EPHX1: variants seen among roughly 807,000 people sequenced by gnomAD.
EPHX1 encodes the protein epoxide hydrolase 1.
Under a neutral mutation model 43.2 loss-of-function variants are expected in EPHX1, and 40 were observed. The ratio of observed to expected loss-of-function variants is 0.93; its 90% CI spans 0.72 to 1.21. The LOEUF (loss-of-function observed/expected upper bound fraction) is 1.21. EPHX1 is among the 50% of genes most tolerant of loss of function. The pLI, the probability that EPHX1 is intolerant of heterozygous loss-of-function variation, is 0.00. For synonymous variants in EPHX1, 221 were observed against 226.7 expected, an observed-to-expected ratio of 0.98 and a Z score of 0.22; for missense variants, 550 against 570.4, an observed-to-expected ratio of 0.96 and a Z score of 0.36.
At chr1:225,816,534 G>A (rs1334881029) in intron 1 of EPHX1, among the ~76,000 whole-genome samples, 1 of 152,226 alleles carries the variant, frequency 6.6e-6, no homozygotes, top group Admixed American at 6.5e-5. Context: ...CAGGCCAAGA[G>A]CTCATGAGCC....
intron 1 of EPHX1, 166 bp downstream of exon 1, chr1:225,810,335 C>T (rs1390510103): frequency 6.6e-6 from 1 of 152,056 alleles, no homozygotes; most frequent in Non-Finnish European, 1.5e-5. Flanking sequence ...CCGCCCCCAG[C>T]TCCTGCCCCG....
chr1:225,826,875 G>A (rs1310895315), intron 1 of EPHX1, among the ~76,000 whole-genome samples: 1 of 152,056 alleles, frequency 6.6e-6, no homozygotes, highest in Non-Finnish European at 1.5e-5. Flanking sequence ...GGAAAGAATT[G>A]GAGATGACTC....
intron 3 of EPHX1, among the ~76,000 whole-genome samples, chr1:225,832,597 T>A (rs993427620): frequency 6.6e-6 from 1 of 152,240 alleles, no homozygotes; most frequent in African/African-American, 2.4e-5. Flanking sequence ...ATACGGTAAT[T>A]CTGCGTTTAA....
intron 6 of EPHX1, among the ~76,000 whole-genome samples, chr1:225,840,588 C>T (rs11805420): frequency 6.6e-6 from 1 of 152,204 alleles, no homozygotes; most frequent in Non-Finnish European, 1.5e-5. Flanking sequence ...CTAACAGACA[C>T]AAAACTTGTC....
intron 1 of EPHX1, among the ~76,000 whole-genome samples, chr1:225,819,747 A>G (rs1055875238): frequency 1.3e-5 from 2 of 152,126 alleles, no homozygotes; most frequent in African/African-American, 2.4e-5. Context: ...CACTGGAGAA[A>G]ATTTTGACAC....
At position 225,828,656 on chromosome 1, in the gene EPHX1, C is replaced by A. The variant is rs1667396561; in HGVS notation, c.-5-69C>A. On this transcript the variant is annotated intron_variant, in intron 1 of 8. Coordinates refer to ENST00000272167, the MANE Select transcript of EPHX1 (RefSeq NM_001136018.4). ...CAGCAGGAAAGAGCCTGCTGGGGATCAGAGTCTCTGGGCTGTCAGGGCCGG... is the reference window on the plus strand; with the variant it reads ...CAGCAGGAAAGAGCCTGCTGGGGATAAGAGTCTCTGGGCTGTCAGGGCCGG... The A allele has an allele frequency of 1.9e-6, 3 of 1,542,570 alleles. No individual in the cohort carries two copies. The Admixed American group carries it at 5.1e-5, about 26-fold the overall frequency.
At chr1:225,829,570 C>G (rs1349230972) in intron 2 of EPHX1, among the ~76,000 whole-genome samples, 1 of 152,116 alleles carries the variant, frequency 6.6e-6, no homozygotes, top group Non-Finnish European at 1.5e-5. Context: ...AGAATGCATT[C>G]TCGGGGAGGA....
At chr1:225,810,477 A>C (rs565928608) in intron 1 of EPHX1, 1 of 152,108 alleles carries the variant, frequency 6.6e-6, no homozygotes, top group African/African-American at 2.4e-5. Context: ...CCGAGAGCGC[A>C]CCGCGTCCCC....
chr1:225,829,247 G>A (rs1172949942), intron 2 of EPHX1, among the ~76,000 whole-genome samples: 1 of 152,148 alleles, frequency 6.6e-6, no homozygotes, highest in East Asian at 1.9e-4. Flanking sequence ...TGAGGTTGTG[G>A]GAGAAAGTGA....
chr1:225,828,659 A>G, intron 1 of EPHX1, 66 bp from the exon 2 acceptor site: 1 of 1,557,394 alleles, frequency 6.4e-7, no homozygotes, highest in East Asian at 2.3e-5. Context: ...TGGGGATCAG[A>G]GTCTCTGGGC....
At chr1:225,828,700 T>C (rs1353820940) in intron 1 of EPHX1, 25 bp from the exon 2 acceptor site, 1 of 1,611,796 alleles carries the variant, frequency 6.2e-7, no homozygotes, top group Admixed American at 1.7e-5. Flanking sequence ...GGCTCCGTTG[T>C]TAATGGCTTC....
intron 3 of EPHX1, among the ~76,000 whole-genome samples, chr1:225,833,830 G>T (rs527595239): frequency 1.2e-4 from 18 of 150,078 alleles, no homozygotes; most frequent in African/African-American, 3.9e-4. Flanking sequence ...GGGCGCCGTG[G>T]CTCACGCCTG....
chr1:225,838,521 TGTC>T, intron 3 of EPHX1, 130 bp from the exon 4 acceptor site: 1 of 733,638 alleles, frequency 1.4e-6, no homozygotes, highest in Non-Finnish European at 2.3e-6. Context: ...CCCTTATTAC[TGTC>T]AATACCATGA....
At chr1:225,843,272 G>C (rs916017135) in intron 7 of EPHX1, among the ~76,000 whole-genome samples, 4 of 152,182 alleles carry the variant, frequency 2.6e-5, no homozygotes, top group East Asian at 1.9e-4. Flanking sequence ...TTTGGGCCTT[G>C]GAGGATAAGT....
At position 225,813,145 on chromosome 1, in the gene EPHX1, CAGTA is replaced by C. The variant is rs761573816; in HGVS notation, c.-6+2980_-6+2983del. On this transcript the variant is annotated intron_variant, in intron 1 of 8. Coordinates refer to ENST00000272167, the MANE Select transcript of EPHX1 (RefSeq NM_001136018.4). ...AGGAAAGGAATGTGTAGGAGGGAAACAGTAAGTTTTGAAGGGACTCAGTGGGCCC... is the reference window on the plus strand; with the variant it reads ...AGGAAAGGAATGTGTAGGAGGGAAACAGTTTTGAAGGGACTCAGTGGGCCC... Among the ~76,000 whole-genome samples, 72 of 152,294 alleles carry C rather than the reference CAGTA, an allele frequency of 4.7e-4. 2 individuals carry two copies. Among genetic ancestry groups the C allele is most frequent in the Non-Finnish European group, 3.8e-4 (26 of 68,014 alleles).
At chr1:225,828,446 CA>C (rs1667378721) in intron 1 of EPHX1, among the ~76,000 whole-genome samples, 1 of 151,458 alleles carries the variant, frequency 6.6e-6, no homozygotes, top group South Asian at 2.1e-4. Flanking sequence ...GGATGATGAA[CA>C]GTTTTCAAAG....
At chr1:225,825,307 G>T (rs1667176810) in intron 1 of EPHX1, 1 of 152,398 alleles carries the variant, frequency 6.6e-6, no homozygotes, top group Non-Finnish European at 1.5e-5. Context: ...TTGTCAGAAG[G>T]CCGTGGGGAG....
At chr1:225,842,507 C>T (rs1018527222) in intron 7 of EPHX1, 33 bp downstream of exon 7, 44 of 1,498,274 alleles carry the variant, frequency 2.9e-5, no homozygotes, top group Non-Finnish European at 4.0e-5. Context: ...CAGTCATGAC[C>T]CTGGTCCCAG....
Position 225,822,601 on chromosome 1 carries a change from C to G in EPHX1, c.-5-6124C>G, listed in dbSNP as rs376294219. ...TGTTTTGAAGAAGTTCTAATGTTTGCTACATCAGCAGGAGCTGACCACAGG... is the reference window on the plus strand; with the variant it reads ...TGTTTTGAAGAAGTTCTAATGTTTGGTACATCAGCAGGAGCTGACCACAGG... On this transcript the variant is annotated intron_variant, in intron 1 of 8. Coordinates refer to ENST00000272167, the MANE Select transcript of EPHX1 (RefSeq NM_001136018.4). Among the ~76,000 whole-genome samples the G allele has an allele frequency of 9.9e-5, 15 of 152,274 alleles. No homozygotes were observed. In the South Asian group the frequency reaches 2.1e-3, roughly 21 times the overall value.
Sources: gnomAD v4.1 joint callset for allele counts (sites outside exome capture counted in the v4.1 genomes callset) on GRCh38, gnomAD v4.1.1 for gene constraint, MANE v1.5 for transcripts, NCBI Gene and HGNC (gene_info 2026-07-23, HGNC 2026-07-21) for gene names.